C1QTNF3: variants seen among roughly 807,000 people sequenced by gnomAD.
C1QTNF3 encodes complement C1q tumor necrosis factor-related protein 3.
A neutral mutation model predicts 32.6 loss-of-function variants in C1QTNF3; 26 were observed. The ratio of observed to expected loss-of-function variants is 0.80; its 90% CI spans 0.58 to 1.11. C1QTNF3 has a LOEUF of 1.11. Ranked by LOEUF, C1QTNF3 falls within the 50% of genes least tolerant of loss-of-function variation. The pLI is 0.00. For missense variants in C1QTNF3, 362 were observed against 398.2 expected (o/e 0.91, Z 0.77); for synonymous variants, 155 against 146.0 (o/e 1.06, Z -0.44).
At chr5:34,196,411 T>C in the C1QTNF3 span, among the ~76,000 whole-genome samples, 1 of 152,300 alleles carries the variant, frequency 6.6e-6, no homozygotes, top group African/African-American at 2.4e-5. Flanking sequence ...GTGTTAGGAA[T>C]ACAGGCATAA....
At chr5:34,072,420 A>AGAAC in the C1QTNF3 span, among the ~76,000 whole-genome samples, 9 of 113,102 alleles carry the variant, frequency 8.0e-5, no homozygotes, top group East Asian at 2.5e-4. Context: ...AAAGAAAGAA[A>AGAAC]GAACAGAAAT....
the C1QTNF3 span, chr5:34,176,031 G>C: frequency 1.6e-6 from 1 of 638,268 alleles, no homozygotes; most frequent in South Asian, 1.8e-5. Context: ...AGATCCACTT[G>C]ATGGTGACCA....
At chr5:34,043,527 G>T, upstream of C1QTNF3, 1 of 175,574 alleles carries the variant, frequency 5.7e-6, no homozygotes, top group East Asian at 1.6e-4. Context: ...AAAGCCTTTT[G>T]GAAAAATCTA....
chr5:34,211,258 CATTA>C, the C1QTNF3 span, among the ~76,000 whole-genome samples: 2 of 151,648 alleles, frequency 1.3e-5, no homozygotes, highest in African/African-American at 2.4e-5. Context: ...TGCTTAGTTT[CATTA>C]ATTTTTACAC....
chr5:34,117,766 A>C, the C1QTNF3 span, among the ~76,000 whole-genome samples: 1 of 151,984 alleles, frequency 6.6e-6, no homozygotes, highest in African/African-American at 2.4e-5. Flanking sequence ...GTGAGACTCC[A>C]TCTCAAAATA....
the C1QTNF3 span, among the ~76,000 whole-genome samples, chr5:34,051,355 T>C: frequency 2.0e-5 from 3 of 152,228 alleles, no homozygotes; most frequent in African/African-American, 7.2e-5. Context: ...GTGTTATTAC[T>C]TAATACTCTA....
chr5:34,055,196 T>G, the C1QTNF3 span, among the ~76,000 whole-genome samples: 2 of 152,260 alleles, frequency 1.3e-5, no homozygotes, highest in African/African-American at 4.8e-5. Context: ...AATTCTTAAC[T>G]GACCATTTGT....
intron 5 of C1QTNF3, 135 bp downstream of exon 5, chr5:34,023,774 G>T: frequency 1.7e-6 from 1 of 581,524 alleles, no homozygotes; most frequent in Non-Finnish European, 3.1e-6. Flanking sequence ...TGGCCATACT[G>T]GTGCATGAGG....
At chr5:34,183,332 T>C in the C1QTNF3 span, among the ~76,000 whole-genome samples, 6 of 151,836 alleles carry the variant, frequency 4.0e-5, no homozygotes, top group Admixed American at 2.6e-4. Flanking sequence ...ATTTTCTTTT[T>C]TTTTTTTTTT....
chr5:34,237,933 A>G, the C1QTNF3 span, among the ~76,000 whole-genome samples: 1 of 152,184 alleles, frequency 6.6e-6, no homozygotes, highest in East Asian at 1.9e-4. Flanking sequence ...AGGAAGTATA[A>G]AACAGCCAAG....
intron 1 of C1QTNF3, among the ~76,000 whole-genome samples, chr5:34,037,516 A>G (rs1401290894): frequency 6.6e-6 from 1 of 152,220 alleles, no homozygotes; most frequent in South Asian, 2.1e-4. Flanking sequence ...GCTTTGTCCT[A>G]AAATTTTCCA....
the C1QTNF3 span, among the ~76,000 whole-genome samples, chr5:34,147,214 T>A: frequency 6.6e-6 from 1 of 152,234 alleles, no homozygotes; most frequent in African/African-American, 2.4e-5. Context: ...TTGCTGGGTA[T>A]ATGAATTAGT....
the C1QTNF3 span, among the ~76,000 whole-genome samples, chr5:34,111,719 T>C: frequency 6.6e-6 from 1 of 152,262 alleles, no homozygotes; most frequent in East Asian, 1.9e-4. Flanking sequence ...CTATGCTCCA[T>C]GAATCAGTCC....
chr5:34,031,262 T>C (rs556986807), intron 3 of C1QTNF3, among the ~76,000 whole-genome samples: 4 of 152,302 alleles, frequency 2.6e-5, no homozygotes, highest in African/African-American at 9.6e-5. Context: ...GTTCCCTCCT[T>C]CACAATCTGT....
chr5:34,124,190 A>T, the C1QTNF3 span: 1 of 414,630 alleles, frequency 2.4e-6, no homozygotes, highest in African/African-American at 2.1e-5. Flanking sequence ...CCGTCCTTTT[A>T]TTAATTAGTT....
the C1QTNF3 span, among the ~76,000 whole-genome samples, chr5:34,048,289 T>TGAAAGAGAGA: frequency 1.4e-5 from 2 of 141,172 alleles, no homozygotes; most frequent in Admixed American, 7.1e-5. Flanking sequence ...TGTGTGTGCA[T>TGAAAGAGAGA]GAGAGAGAGA....
At chr5:34,110,980 G>A in the C1QTNF3 span, among the ~76,000 whole-genome samples, 1 of 151,962 alleles carries the variant, frequency 6.6e-6, no homozygotes, top group Non-Finnish European at 1.5e-5. Flanking sequence ...ATTTTCTTGT[G>A]CTGGAAACCT....
In C1QTNF3 at chr5:34,018,365, T is replaced by C. The variant is rs1371290960; in HGVS notation, c.*2218A>G. 6.6e-6 allele frequency among the ~76,000 whole-genome samples: 1 copy of C among 152,208 alleles called. No homozygotes were observed. Among genetic ancestry groups the C allele is most frequent in the Non-Finnish European group, 1.5e-5 (1 of 68,026 alleles). ...TATGCTCTCAGCTAGATACTGTTTC[T>C]CTCTCCTGTGAATTCCTAGCCCTTT... On this transcript the variant is annotated 3_prime_UTR_variant, in exon 6 of 6. Transcript: ENST00000382065.
At chr5:34,022,898 C>T (rs1219036789) in intron 5 of C1QTNF3, among the ~76,000 whole-genome samples, 1 of 152,138 alleles carries the variant, frequency 6.6e-6, no homozygotes, top group Non-Finnish European at 1.5e-5. Context: ...CTCTGTCGCC[C>T]AGGCTGGAGT....
Sources: allele counts gnomAD v4.1 joint callset (sites outside exome capture counted in the v4.1 genomes callset), GRCh38; gene constraint gnomAD v4.1.1; transcripts MANE v1.5; gene names NCBI Gene and HGNC (gene_info 2026-07-23, HGNC 2026-07-21).